The following AK9 variants were observed in gnomAD, a reference collection of about 807,000 sequenced individuals.
The protein encoded by AK9 is adenylate kinase 9.
In AK9, 191 loss-of-function variants were observed where a neutral mutation model predicts 239.6. The ratio of observed to expected loss-of-function variants is 0.80; its 90% CI spans 0.71 to 0.90. AK9 has a LOEUF of 0.90. Among genes scored for constraint, AK9 ranks in the 40% least tolerant of loss-of-function variants. AK9 has a pLI of 0.00. For synonymous variants in AK9, 689 were observed against 721.0 expected, an observed-to-expected ratio of 0.96 and a Z score of 0.71; for missense variants, 1,995 against 2,214.7, an observed-to-expected ratio of 0.90 and a Z score of 1.99.
Position 109,665,554 on chromosome 6 carries a change from TAAC to T in AK9, c.332-2894_332-2892del, listed in dbSNP as rs1473581541. 4.6e-5 allele frequency among the ~76,000 whole-genome samples: 7 copies of T among 152,204 alleles called. No homozygotes were observed. The East Asian group carries it at 7.7e-4, about 17-fold the overall frequency. ...CTTGTGAGTCTAGCTTCCACTTGAT[TAAC>T]AACATGTTTGAACTGGTTTTTAAGA... On this transcript the variant is annotated intron_variant, in intron 5 of 40. Transcript: ENST00000424296.
chr6:109,499,523 T>G (rs1412973634), intron 35 of AK9, among the ~76,000 whole-genome samples: 4 of 152,192 alleles, frequency 2.6e-5, no homozygotes, highest in Non-Finnish European at 5.9e-5. Flanking sequence ...GCCACTATAC[T>G]ATAAACATTA....
chr6:109,632,866 G>C (rs1016208411), intron 12 of AK9, 57 bp downstream of exon 12: 6 of 1,322,592 alleles, frequency 4.5e-6, no homozygotes, highest in Admixed American at 2.3e-5. Flanking sequence ...GATAGACATA[G>C]ATAGATAGAT....
chr6:109,675,901 T>A (rs1771659346), intron 1 of AK9, 145 bp from the exon 2 acceptor site: 2 of 504,150 alleles, frequency 4.0e-6, no homozygotes, highest in Admixed American at 4.0e-5. Flanking sequence ...TAATTGCAAA[T>A]AAGTTTAACT....
In AK9 at chr6:109,516,584, T is replaced by C. The variant is rs1202584582; in HGVS notation, c.3692A>G (p.Asp1231Gly). ...CTCATCTTCAAGGATGTTTTCAATA[T>C]CATCATTGTCTTCTTCAAGTTCTTC... The part of the protein sequence containing the change: ...SEEELEEDND[D>G]IENILEDEFP... Residue 1231 changes from aspartate to glycine, a missense_variant, in exon 30 of 41, where the codon GAT becomes GGT. Asp to Gly is a moderately conservative substitution (Grantham distance 94). Transcript: ENST00000424296. The C allele has an allele frequency of 5.8e-6, 9 of 1,550,918 alleles. No homozygotes were observed. The Admixed American group carries it at 7.8e-5, about 14-fold the overall frequency.
chr6:109,583,242 T>C (rs1789085759), intron 19 of AK9, among the ~76,000 whole-genome samples: 1 of 152,158 alleles, frequency 6.6e-6, no homozygotes. Context: ...GCTGAGAATC[T>C]AAGACCTGAA....
In AK9 at chr6:109,615,933, A is replaced by AC. The variant is rs1274334418; in HGVS notation, c.1400-1454_1400-1453insG. 1.6e-4 allele frequency among the ~76,000 whole-genome samples: 24 copies of AC among 151,744 alleles called. 1 individual carries two copies. Among genetic ancestry groups the AC allele is most frequent in the Admixed American group, 1.6e-3 (24 of 15,208 alleles). The stretch of plus-strand genomic sequence containing the variant: ...CCTAAATAAACAAACAAAAGTAAAA[A>AC]AAATGTTATAAGAATAATGAAACTA... On this transcript the variant is annotated intron_variant, in intron 13 of 40. Coordinates refer to ENST00000424296, the MANE Select transcript of AK9 (RefSeq NM_001145128.3).
In AK9 at chr6:109,516,045, T is replaced by C; in HGVS notation, c.3877A>G (p.Ile1293Val). 6.4e-7 allele frequency: 1 copy of C among 1,550,782 alleles called. No individual in the cohort carries two copies. Among genetic ancestry groups the C allele is most frequent in the South Asian group, 1.2e-5 (1 of 84,014 alleles). The part of the protein sequence containing the change: ...DELERYLIPI[I>V]SINGARRNHI... The stretch of plus-strand genomic sequence containing the variant: ...TTTCTCCGAGCTCCATTAATGGAAA[T>C]TATTGGTATCAAATACCTCTCAAGT... The change falls in exon 31 of 41, where the codon ATT (isoleucine) becomes GTT (valine). Residue 1293 changes from isoleucine (I) to valine (V), a missense_variant. Physicochemically the swap from Ile to Val is conservative, Grantham distance 29 (BLOSUM62 3). Coordinates refer to ENST00000424296, the MANE Select transcript of AK9 (RefSeq NM_001145128.3).
At chr6:109,506,926 AT>A in intron 33 of AK9, 126 bp from the exon 34 acceptor site, 5 of 1,352,888 alleles carry the variant, frequency 3.7e-6, no homozygotes, top group Non-Finnish European at 4.8e-6. Flanking sequence ...AACTCAATTT[AT>A]TTTCTTCACA....
At chr6:109,619,689 C>T (rs990575067) in intron 12 of AK9, among the ~76,000 whole-genome samples, 4 of 151,940 alleles carry the variant, frequency 2.6e-5, no homozygotes, top group African/African-American at 9.7e-5. Context: ...CATTTGTAAT[C>T]CCAGTACTTT....
intron 24 of AK9, among the ~76,000 whole-genome samples, chr6:109,554,233 C>T (rs1784691832): frequency 6.6e-6 from 1 of 152,068 alleles, no homozygotes; most frequent in South Asian, 2.1e-4. Context: ...GGAGGAGTCT[C>T]TCCTTTTCAG....
chr6:109,679,253 G>A (rs1772247920), intron 1 of AK9, among the ~76,000 whole-genome samples: 1 of 152,164 alleles, frequency 6.6e-6, no homozygotes, highest in Non-Finnish European at 1.5e-5. Context: ...GACCTGGGAT[G>A]CTGGAGCCTG....
chr6:109,549,320 C>T (rs1479824652), intron 25 of AK9, among the ~76,000 whole-genome samples: 1 of 152,138 alleles, frequency 6.6e-6, no homozygotes, highest in Admixed American at 6.5e-5. Flanking sequence ...GAGTGTGAAC[C>T]AGTCAACAGC....
chr6:109,632,747 C>T (rs1796223544), intron 12 of AK9, 176 bp downstream of exon 12: 6 of 1,314,532 alleles, frequency 4.6e-6, no homozygotes, highest in Admixed American at 3.7e-5. Flanking sequence ...AAAAGAATGC[C>T]TACCCTACCC....
At chr6:109,685,096 T>C (rs1221867888) in intron 1 of AK9, among the ~76,000 whole-genome samples, 1 of 151,896 alleles carries the variant, frequency 6.6e-6, no homozygotes, top group Non-Finnish European at 1.5e-5. Flanking sequence ...CTGGAGGGGA[T>C]GTGGAGAAAT....
rs781295601 is a variant in AK9 at position 109,533,423 on chromosome 6, G to A, written c.3398C>T (p.Ala1133Val). ...LDGFPRYPEE[A>V]QFLGDRGFFP... ...AAATCCACGATCTCCCAAAAACTGGGCCTCTTCTGGATATCGTGGGAAACC... is the reference window on the plus strand; with the variant it reads ...AAATCCACGATCTCCCAAAAACTGGACCTCTTCTGGATATCGTGGGAAACC... Residue 1133 changes from alanine (A) to valine (V), a missense_variant, in exon 28 of 41, where the codon GCC becomes GTC. This residue lies in a region of AK9 where 1,290 missense variants were observed against 1,392.7 expected (regional missense o/e 0.93). Coordinates refer to ENST00000424296, the MANE Select transcript of AK9 (RefSeq NM_001145128.3). The A allele has an allele frequency of 6.2e-6, 10 of 1,610,866 alleles. No homozygotes were observed.
At chr6:109,565,523 C>A (rs1786361342) in intron 21 of AK9, among the ~76,000 whole-genome samples, 1 of 151,936 alleles carries the variant, frequency 6.6e-6, no homozygotes, top group Non-Finnish European at 1.5e-5. Context: ...AGACCACAAA[C>A]TGGCAGTGAG....
At chr6:109,555,238 C>A (rs984438741) in intron 24 of AK9, among the ~76,000 whole-genome samples, 1 of 152,196 alleles carries the variant, frequency 6.6e-6, no homozygotes, top group Non-Finnish European at 1.5e-5. Context: ...TTTCAAAGAA[C>A]TTCTTGATTT....
intron 36 of AK9, 84 bp from the exon 37 acceptor site, chr6:109,498,049 C>A: frequency 7.4e-7 from 1 of 1,353,894 alleles, no homozygotes; most frequent in Non-Finnish European, 1.0e-6. Context: ...TCTCCTGCAC[C>A]CTCCCCATTT....
At chr6:109,621,054 AAAC>A (rs1794749439) in intron 12 of AK9, among the ~76,000 whole-genome samples, 3 of 151,442 alleles carry the variant, frequency 2.0e-5, no homozygotes, top group African/African-American at 7.3e-5. Flanking sequence ...AGAAAAAAAC[AAAC>A]AACCCCATCA....
Sources: allele counts gnomAD v4.1 joint callset (sites outside exome capture counted in the v4.1 genomes callset), GRCh38; gene constraint gnomAD v4.1.1; regional missense constraint gnomAD v4.1.1; transcripts MANE v1.5; gene names NCBI Gene and HGNC (gene_info 2026-07-23, HGNC 2026-07-21).